Variants in PRIM2 observed in about 807,000 individuals in gnomAD.
PRIM2 encodes DNA primase subunit 2, also known as DNA primase large subunit.
PRIM2 carries 39 observed loss-of-function variants against 67.3 expected under a neutral mutation model. The ratio of observed to expected loss-of-function variants is 0.58; its 90% CI spans 0.45 to 0.76. The LOEUF (loss-of-function observed/expected upper bound fraction) is 0.76. Among genes scored for constraint, PRIM2 ranks in the 30% least tolerant of loss-of-function variants. The pLI is 0.00. For synonymous variants in PRIM2, 143 were observed against 198.7 expected (o/e 0.72, Z 2.36); for missense variants, 398 against 598.7 (o/e 0.66, Z 3.50).
intron 7 of PRIM2, among the ~76,000 whole-genome samples, chr6:57,398,913 T>C (rs1770613801): frequency 6.6e-6 from 1 of 151,930 alleles, no homozygotes; most frequent in Non-Finnish European, 1.5e-5. Context: ...CTTTTTTGTC[T>C]TTTTTTTATC....
At chr6:57,581,222 G>A (rs1776079303) in intron 10 of PRIM2, among the ~76,000 whole-genome samples, 2 of 152,038 alleles carry the variant, frequency 1.3e-5, no homozygotes. Context: ...TATTCAAGCT[G>A]AGCCAACTAT....
At chr6:57,479,537 A>G (rs1773564715) in intron 7 of PRIM2, among the ~76,000 whole-genome samples, 1 of 152,206 alleles carries the variant, frequency 6.6e-6, no homozygotes, top group Non-Finnish European at 1.5e-5. Context: ...TGTTCTTTGC[A>G]GATTTTTAAA....
chr6:57,325,870 A>C, intron 4 of PRIM2, 55 bp from the exon 5 acceptor site: 1 of 1,489,674 alleles, frequency 6.7e-7, no homozygotes, highest in Non-Finnish European at 9.0e-7. Context: ...CATTTCTTAG[A>C]TTTAATAATT....
chr6:57,359,541 C>T (rs929691682), intron 5 of PRIM2, among the ~76,000 whole-genome samples: 6 of 152,160 alleles, frequency 3.9e-5, no homozygotes, highest in African/African-American at 1.4e-4. Flanking sequence ...AGCTGTAATA[C>T]AATGGCTGTT....
At chr6:57,555,436 C>T (rs1348941575) in intron 10 of PRIM2, among the ~76,000 whole-genome samples, 18,359 of 152,042 alleles carry the variant, frequency 0.12, 1,370 homozygotes, top group Non-Finnish European at 0.18. Context: ...TGCACCACCA[C>T]GTCTGGCTAA....
At chr6:57,583,577 G>A (rs1314516953) in intron 10 of PRIM2, among the ~76,000 whole-genome samples, 10 of 125,194 alleles carry the variant, frequency 8.0e-5, no homozygotes, top group African/African-American at 2.4e-4. Flanking sequence ...GTCTATCATT[G>A]TTGGACATTT....
At chr6:57,385,505 C>T (rs1396226506) in intron 7 of PRIM2, among the ~76,000 whole-genome samples, 1 of 152,186 alleles carries the variant, frequency 6.6e-6, no homozygotes, top group Non-Finnish European at 1.5e-5. Context: ...TCCTGCATAA[C>T]CACAATTCAA....
chr6:57,366,644 G>A (rs578047732), intron 5 of PRIM2, among the ~76,000 whole-genome samples: 251 of 152,268 alleles, frequency 1.6e-3, no homozygotes, highest in African/African-American at 5.7e-3. Flanking sequence ...TTGTGATGTC[G>A]ACAAGATTTG....
At chr6:57,487,347 G>C (rs1202415656) in intron 7 of PRIM2, among the ~76,000 whole-genome samples, 3 of 152,130 alleles carry the variant, frequency 2.0e-5, no homozygotes, top group African/African-American at 4.8e-5. Flanking sequence ...CTCCTGCTCA[G>C]GCTCCTGAGT....
chr6:57,566,173 AT>A (rs1160143924), intron 10 of PRIM2, among the ~76,000 whole-genome samples: 238 of 134,202 alleles, frequency 1.8e-3, no homozygotes, highest in African/African-American at 4.1e-3. Flanking sequence ...TGTATAACCC[AT>A]TTTTTTTTTT....
chr6:57,448,505 C>T (rs966431444), intron 7 of PRIM2, among the ~76,000 whole-genome samples: 14 of 152,032 alleles, frequency 9.2e-5, no homozygotes, highest in African/African-American at 1.9e-4. Flanking sequence ...AGAAAGTGCA[C>T]GCAGGGCAGT....
intron 10 of PRIM2, among the ~76,000 whole-genome samples, chr6:57,555,286 A>G (rs1775489978): frequency 6.6e-6 from 1 of 151,974 alleles, no homozygotes; most frequent in African/African-American, 2.4e-5. Context: ...TATTGTATCT[A>G]TTTATTTATT....
chr6:57,277,794 C>T, the PRIM2 span, among the ~76,000 whole-genome samples: 5 of 151,746 alleles, frequency 3.3e-5, no homozygotes, highest in Admixed American at 6.6e-5. Context: ...TCCTGGCTAA[C>T]ATGGTGAAAC....
At chr6:57,263,418 C>T in the PRIM2 span, among the ~76,000 whole-genome samples, 1 of 152,140 alleles carries the variant, frequency 6.6e-6, no homozygotes, top group Non-Finnish European at 1.5e-5. Flanking sequence ...CTTGGCAATC[C>T]TTGGTGTTCC....
chr6:57,521,819 T>C (rs1554348946), intron 8 of PRIM2, among the ~76,000 whole-genome samples: 33 of 152,112 alleles, frequency 2.2e-4, no homozygotes, highest in East Asian at 7.7e-4. Flanking sequence ...ATGTTATTGT[T>C]TTATGAACGT....
the PRIM2 span, among the ~76,000 whole-genome samples, chr6:57,250,909 C>T: frequency 2.0e-5 from 3 of 152,126 alleles, no homozygotes; most frequent in Non-Finnish European, 2.9e-5. Flanking sequence ...CTCACTGCAG[C>T]ATGTCAAATT....
At chr6:57,324,805 T>C (rs1767791076) in intron 4 of PRIM2, among the ~76,000 whole-genome samples, 1 of 152,194 alleles carries the variant, frequency 6.6e-6, no homozygotes, top group South Asian at 2.1e-4. Context: ...GGTCACATAA[T>C]TTAGTTATGG....
chr6:57,452,305 G>A (rs1465089586), intron 7 of PRIM2, among the ~76,000 whole-genome samples: 1 of 152,100 alleles, frequency 6.6e-6, no homozygotes, highest in African/African-American at 2.4e-5. Flanking sequence ...ACCCAGTAAT[G>A]GGATTGCTGG....
intron 12 of PRIM2, among the ~76,000 whole-genome samples, chr6:57,608,744 G>A (rs2127493633): frequency 6.6e-6 from 1 of 150,946 alleles, no homozygotes; most frequent in East Asian, 1.9e-4. Flanking sequence ...TGCCAGTAAA[G>A]GGGATGCTAG....
Sources: gnomAD v4.1 joint callset for allele counts (sites outside exome capture counted in the v4.1 genomes callset) on GRCh38, gnomAD v4.1.1 for gene constraint, MANE v1.5 for transcripts, NCBI Gene and HGNC (gene_info 2026-07-23, HGNC 2026-07-21) for gene names.